SPC25: variants seen among roughly 807,000 people sequenced by gnomAD.
The protein encoded by SPC25 is kinetochore protein Spc25.
In SPC25, 22 loss-of-function variants were observed where a neutral mutation model predicts 29.6. That is an observed-to-expected ratio of 0.74 (90% confidence interval 0.53 to 1.06). The LOEUF is 1.06. SPC25 is among the 50% of genes least tolerant of loss of function. SPC25 has a pLI of 0.00. For synonymous variants in SPC25, 91 were observed against 90.4 expected, an observed-to-expected ratio of 1.01 and a Z score of -0.04; for missense variants, 230 against 255.8, an observed-to-expected ratio of 0.90 and a Z score of 0.69.
chr2:168,869,938 G>C (rs1391803360), downstream of SPC25, among the ~76,000 whole-genome samples: 1 of 152,046 alleles, frequency 6.6e-6, no homozygotes, highest in African/African-American at 2.4e-5. Flanking sequence ...GAGGCATCAC[G>C]CTACCTGACT....
chr2:168,873,458 G>A (rs183434408), intron 6 of SPC25, 127 bp downstream of exon 6: 2 of 622,536 alleles, frequency 3.2e-6, no homozygotes, highest in Non-Finnish European at 2.9e-6. Context: ...ACTCCAAGAA[G>A]CAAGACTGAA....
intron 4 of SPC25, among the ~76,000 whole-genome samples, chr2:168,864,200 T>G (rs1010388051): frequency 2.6e-5 from 4 of 151,806 alleles, no homozygotes; most frequent in African/African-American, 9.7e-5. Flanking sequence ...CCTCTTGACC[T>G]CAAGTAATCT....
At chr2:168,879,396 G>A (rs1690137915) in intron 3 of SPC25, among the ~76,000 whole-genome samples, 1 of 152,214 alleles carries the variant, frequency 6.6e-6, no homozygotes, top group African/African-American at 2.4e-5. Flanking sequence ...TTCACCAGGA[G>A]TGGATTCCAT....
intron 1 of SPC25, 41 bp downstream of exon 1, chr2:168,890,277 A>C (rs537681075): frequency 1.1e-6 from 1 of 941,368 alleles, no homozygotes; most frequent in Non-Finnish European, 1.3e-6. Context: ...TTATTGCGAC[A>C]GGGGGGCCAA....
intron 4 of SPC25, among the ~76,000 whole-genome samples, chr2:168,864,434 C>T (rs533539605): frequency 2.0e-5 from 3 of 151,570 alleles, no homozygotes; most frequent in South Asian, 2.1e-4. Flanking sequence ...TACAGGCGTG[C>T]GCCACCACAC....
intron 4 of SPC25, chr2:168,864,902 G>A: frequency 1.2e-6 from 2 of 1,614,048 alleles, no homozygotes; most frequent in Middle Eastern, 1.6e-4. Flanking sequence ...TGGGAAAAAA[G>A]GCCATTTTCC....
At chr2:168,879,399 G>A (rs1195540666) in intron 3 of SPC25, among the ~76,000 whole-genome samples, 1 of 152,146 alleles carries the variant, frequency 6.6e-6, no homozygotes, top group Non-Finnish European at 1.5e-5. Flanking sequence ...ACCAGGAGTG[G>A]ATTCCATTCC....
intron 3 of SPC25, among the ~76,000 whole-genome samples, chr2:168,885,377 C>T (rs1329149693): frequency 6.6e-6 from 1 of 152,180 alleles, no homozygotes; most frequent in Non-Finnish European, 1.5e-5. Context: ...TAAATTTTTC[C>T]TTTAACTGGT....
At chr2:168,880,648 T>C (rs1266215151) in intron 3 of SPC25, among the ~76,000 whole-genome samples, 2 of 152,374 alleles carry the variant, frequency 1.3e-5, no homozygotes, top group South Asian at 2.1e-4. Flanking sequence ...TTTGACACAC[T>C]TTCCCACTAA....
intron 3 of SPC25, among the ~76,000 whole-genome samples, chr2:168,888,993 A>G (rs184856030): frequency 0.049 from 6,141 of 125,612 alleles, 465 homozygotes; most frequent in African/African-American, 0.098. Flanking sequence ...ATATATATGT[A>G]TATATATACA....
At chr2:168,889,154 C>T in intron 3 of SPC25, 72 bp downstream of exon 3, 1 of 1,345,384 alleles carries the variant, frequency 7.4e-7, no homozygotes, top group East Asian at 2.3e-5. Context: ...CATTGTCTTA[C>T]TTGTATGAGA....
At chr2:168,864,239 C>T (rs1445628584) in intron 4 of SPC25, among the ~76,000 whole-genome samples, 2 of 151,074 alleles carry the variant, frequency 1.3e-5, no homozygotes, top group Non-Finnish European at 2.9e-5. Context: ...GGCCTCCCAA[C>T]GTGCTGGGAT....
chr2:168,879,056 C>T (rs1186875498), intron 3 of SPC25, among the ~76,000 whole-genome samples: 1 of 152,162 alleles, frequency 6.6e-6, no homozygotes, highest in East Asian at 1.9e-4. Flanking sequence ...TGCTAATAAT[C>T]ATCTGAGCCT....
intron 4 of SPC25, among the ~76,000 whole-genome samples, chr2:168,864,451 A>G (rs1689721937): frequency 6.6e-6 from 1 of 151,282 alleles, no homozygotes; most frequent in African/African-American, 2.4e-5. Context: ...ACACCCAGCT[A>G]ATTTTTGTAT....
chr2:168,880,111 G>C (rs1166664314), intron 3 of SPC25, among the ~76,000 whole-genome samples: 1 of 152,200 alleles, frequency 6.6e-6, no homozygotes, highest in African/African-American at 2.4e-5. Flanking sequence ...TCAACTTAAA[G>C]TCACCAGGTG....
intron 4 of SPC25, chr2:168,864,875 T>C (rs755255348): frequency 1.2e-6 from 2 of 1,613,902 alleles, no homozygotes; most frequent in East Asian, 4.5e-5. Context: ...AGGAGGATGG[T>C]GGTTTGGATC....
At chr2:168,888,682 T>G (rs1011340395) in intron 3 of SPC25, among the ~76,000 whole-genome samples, 1 of 152,004 alleles carries the variant, frequency 6.6e-6, no homozygotes, top group African/African-American at 2.4e-5. Context: ...CTGTATAGTA[T>G]GTCAATGTTT....
chr2:168,877,468 A>G, intron 3 of SPC25, 84 bp from the exon 4 acceptor site: 1 of 1,399,188 alleles, frequency 7.1e-7, no homozygotes, highest in Non-Finnish European at 9.8e-7. Context: ...ACTGACTTTC[A>G]TAAAGATTAA....
chr2:168,878,823 G>A (rs1425402804), intron 3 of SPC25, among the ~76,000 whole-genome samples: 2 of 152,088 alleles, frequency 1.3e-5, no homozygotes, highest in Non-Finnish European at 2.9e-5. Context: ...GCTATTCTGT[G>A]CTATTTTTAA....
Sources: gnomAD v4.1 joint callset for allele counts (sites outside exome capture counted in the v4.1 genomes callset) on GRCh38, gnomAD v4.1.1 for gene constraint, MANE v1.5 for transcripts, NCBI Gene and HGNC (gene_info 2026-07-23, HGNC 2026-07-21) for gene names.